The following ITGA2 variants were observed in gnomAD, a reference collection of about 807,000 sequenced individuals.
The protein encoded by ITGA2 is integrin alpha-2.
In ITGA2, 101 loss-of-function variants were observed where a neutral mutation model predicts 146.3. The ratio of observed to expected loss-of-function variants is 0.69; its 90% CI spans 0.59 to 0.81. ITGA2 has a LOEUF of 0.81. Among genes scored for constraint, ITGA2 ranks in the 40% least tolerant of loss-of-function variants. ITGA2 has a pLI of 0.00. For synonymous variants in ITGA2, 477 were observed against 487.1 expected (o/e 0.98, Z 0.27); for missense variants, 1,281 against 1,402.7 (o/e 0.91, Z 1.39).
chr5:52,991,603 A>G (rs1740958037), intron 1 of ITGA2, among the ~76,000 whole-genome samples: 1 of 152,174 alleles, frequency 6.6e-6, no homozygotes, highest in Non-Finnish European at 1.5e-5. Flanking sequence ...TTGTATATAC[A>G]TATATATACC....
At chr5:53,080,082 T>C (rs1422624296) in intron 24 of ITGA2, among the ~76,000 whole-genome samples, 1 of 152,170 alleles carries the variant, frequency 6.6e-6, no homozygotes, top group African/African-American at 2.4e-5. Flanking sequence ...AGCAGCAGAC[T>C]GGGACACAAC....
chr5:53,065,309 C>CAGA (rs1384696093), intron 14 of ITGA2, among the ~76,000 whole-genome samples, 194 bp downstream of exon 14: 3 of 151,844 alleles, frequency 2.0e-5, no homozygotes, highest in Non-Finnish European at 4.4e-5. Flanking sequence ...AAGAACAGGA[C>CAGA]AGACACAATT....
chr5:53,088,195 C>T (rs1257244805), intron 28 of ITGA2, among the ~76,000 whole-genome samples: 1 of 152,028 alleles, frequency 6.6e-6, no homozygotes, highest in Admixed American at 6.6e-5. Flanking sequence ...TTTAGAAAAA[C>T]ATAGTGTTCA....
At chr5:53,020,745 G>C (rs932246514) in intron 1 of ITGA2, among the ~76,000 whole-genome samples, 1 of 151,026 alleles carries the variant, frequency 6.6e-6, no homozygotes, top group Non-Finnish European at 1.5e-5. Context: ...GCAGTGGCTC[G>C]ATCTTGGCTC....
chr5:53,081,840 T>G (rs1025689230), intron 26 of ITGA2, 144 bp downstream of exon 26: 2 of 644,186 alleles, frequency 3.1e-6, no homozygotes, highest in Non-Finnish European at 2.8e-6. Flanking sequence ...TTAGAAAATA[T>G]TAGGTTGGTG....
At chr5:53,049,184 G>A (rs1744235555) in intron 6 of ITGA2, among the ~76,000 whole-genome samples, 1 of 151,930 alleles carries the variant, frequency 6.6e-6, no homozygotes, top group Non-Finnish European at 1.5e-5. Context: ...GCTAATTTTT[G>A]TATTTTTAGT....
intron 1 of ITGA2, among the ~76,000 whole-genome samples, chr5:53,012,320 A>T (rs964381138): frequency 6.6e-6 from 1 of 152,304 alleles, no homozygotes; most frequent in East Asian, 1.9e-4. Flanking sequence ...TGTTCCTGGC[A>T]CCAGATAGCA....
chr5:53,018,449 G>T (rs1000625530), intron 1 of ITGA2, among the ~76,000 whole-genome samples: 1 of 152,084 alleles, frequency 6.6e-6, no homozygotes, highest in African/African-American at 2.4e-5. Context: ...GGACCAGGAA[G>T]GATTCCTGGT....
intron 2 of ITGA2, among the ~76,000 whole-genome samples, chr5:53,037,504 A>G (rs974220848): frequency 5.3e-5 from 8 of 152,218 alleles, no homozygotes; most frequent in African/African-American, 1.9e-4. Flanking sequence ...AAAATTTCAT[A>G]GAGAAATATA....
At chr5:53,039,130 T>G (rs1181594190) in intron 2 of ITGA2, among the ~76,000 whole-genome samples, 1 of 152,162 alleles carries the variant, frequency 6.6e-6, no homozygotes, top group African/African-American at 2.4e-5. Flanking sequence ...CTTCTGCAGA[T>G]GAAATTAGAT....
Position 53,072,018 on chromosome 5 carries a change from A to G in ITGA2, c.2316A>G (p.Glu772=), listed in dbSNP as rs1682830716. 6 of 1,612,126 alleles carry G rather than the reference A, an allele frequency of 3.7e-6. No individual in the cohort carries two copies. Among genetic ancestry groups the G allele is most frequent in the Non-Finnish European group, 5.1e-6 (6 of 1,178,792 alleles). Reference sequence around the variant, plus strand: ...ACCCTGGCACTAGCCCTGCCCTTGAAGCCTATTCTGAGACTGCCAAGGTCT... The same window carrying G: ...ACCCTGGCACTAGCCCTGCCCTTGAGGCCTATTCTGAGACTGCCAAGGTCT... ...LENPGTSPAL[E]AYSETAKVFS... Residue 772 remains glutamate, a synonymous_variant, in exon 18 of 30, where the codon GAA becomes GAG. Coordinates refer to ENST00000296585, the MANE Select transcript of ITGA2 (RefSeq NM_002203.4).
At chr5:52,997,438 TAA>T (rs1206839709) in intron 1 of ITGA2, among the ~76,000 whole-genome samples, 6 of 152,118 alleles carry the variant, frequency 3.9e-5, no homozygotes, top group African/African-American at 1.2e-4. Flanking sequence ...GCAATGGAAA[TAA>T]AAGAGTGTTC....
At chr5:53,022,044 C>G (rs1259036616) in intron 1 of ITGA2, among the ~76,000 whole-genome samples, 3 of 152,130 alleles carry the variant, frequency 2.0e-5, no homozygotes, top group African/African-American at 2.4e-5. Context: ...ATTTTGCCAC[C>G]CTTTACTACA....
At chr5:53,047,545 G>A (rs1460646259) in intron 4 of ITGA2, among the ~76,000 whole-genome samples, 1 of 152,204 alleles carries the variant, frequency 6.6e-6, no homozygotes, top group Non-Finnish European at 1.5e-5. Context: ...AAAACTGGTA[G>A]TCAGTGAACC....
intron 7 of ITGA2, among the ~76,000 whole-genome samples, chr5:53,052,523 A>G (rs1257048184): frequency 6.6e-6 from 1 of 151,868 alleles, no homozygotes; most frequent in Non-Finnish European, 1.5e-5. Flanking sequence ...TGTCTTGTGC[A>G]TTCCTTCTTT....
intron 1 of ITGA2, among the ~76,000 whole-genome samples, chr5:53,019,364 A>G (rs1297310764): frequency 1.3e-5 from 2 of 152,178 alleles, no homozygotes; most frequent in East Asian, 3.9e-4. Context: ...AAAATTGTGT[A>G]TCGTTCCGAG....
chr5:53,001,323 T>C (rs1741572949), intron 1 of ITGA2, among the ~76,000 whole-genome samples: 1 of 152,136 alleles, frequency 6.6e-6, no homozygotes, highest in African/African-American at 2.4e-5. Context: ...GCCCTGGAGG[T>C]ACTAGAATTC....
intron 24 of ITGA2, among the ~76,000 whole-genome samples, chr5:53,080,244 G>A (rs984963924): frequency 1.3e-5 from 2 of 152,078 alleles, no homozygotes; most frequent in African/African-American, 4.8e-5. Flanking sequence ...GGCGCACTAA[G>A]CATGTGGGAG....
At position 53,080,686 on chromosome 5, in the gene ITGA2, G is replaced by A. The variant is rs1745880571; in HGVS notation, c.3039+65G>A. Reference sequence around the variant, plus strand: ...GATGTAAATAACCCATGAGATTAGGGTGATCATGTCTGACATTTTACAGAT... The same window carrying A: ...GATGTAAATAACCCATGAGATTAGGATGATCATGTCTGACATTTTACAGAT... On this transcript the variant is annotated intron_variant, in intron 25 of 29. Coordinates refer to ENST00000296585, the MANE Select transcript of ITGA2 (RefSeq NM_002203.4). The A allele has an allele frequency of 2.6e-6, 3 of 1,171,550 alleles. No homozygotes were observed. In the South Asian group the frequency reaches 3.7e-5, roughly 14 times the overall value. The allele number at this position is 1,171,550 out of a possible 1,614,324, so 72.6% of individuals were successfully genotyped here. A position where few individuals can be genotyped will look rare whatever the true frequency, so the allele number is the denominator to read the frequency against.
Sources: gnomAD v4.1 joint callset for allele counts (sites outside exome capture counted in the v4.1 genomes callset) on GRCh38, gnomAD v4.1.1 for gene constraint, MANE v1.5 for transcripts, NCBI Gene and HGNC (gene_info 2026-07-23, HGNC 2026-07-21) for gene names.